Variants in ANKRD24 observed in about 807,000 individuals in gnomAD.
The protein encoded by ANKRD24 is ankyrin repeat domain-containing protein 24.
In ANKRD24, 109 loss-of-function variants were observed where a neutral mutation model predicts 127.8. The ratio of observed to expected loss-of-function variants is 0.85; its 90% CI spans 0.73 to 1.00. ANKRD24 has a LOEUF of 1.00. Among genes scored for constraint, ANKRD24 ranks in the 50% least tolerant of loss-of-function variants. ANKRD24 has a pLI of 0.00. For synonymous variants in ANKRD24, 743 were observed against 671.1 expected, an observed-to-expected ratio of 1.11 and a Z score of -1.66; for missense variants, 1,648 against 1,570.2, an observed-to-expected ratio of 1.05 and a Z score of -0.84.
rs1170555656 is a variant in ANKRD24, at chr19:4,199,401, G to A, written c.37-282G>A. The A allele has an allele frequency of 2.6e-5, 15 of 581,570 alleles. No homozygotes were observed. Among genetic ancestry groups the A allele is most frequent in the Admixed American group, 6.4e-5 (1 of 15,746 alleles). 36.0% of individuals were successfully genotyped at this position (581,570 alleles called of 1,614,324 possible). A position where few individuals can be genotyped will look rare whatever the true frequency, so the allele number is the denominator to read the frequency against. ...GATGATTTTTATTTTTTGTAGAGACGGGGTCCTACTATGGTGCCCAGGTTT... is the reference window on the plus strand; with the variant it reads ...GATGATTTTTATTTTTTGTAGAGACAGGGTCCTACTATGGTGCCCAGGTTT... On this transcript the variant is annotated intron_variant, in intron 2 of 21. Coordinates refer to ENST00000318934, the MANE Select transcript of ANKRD24 (RefSeq NM_001393985.1). The surrounding 1 kb of genome is among the most constrained non-coding windows in gnomAD (Gnocchi z 5.2).
chr19:4,212,331 G>A (rs1036803531), intron 13 of ANKRD24, 144 bp from the exon 14 acceptor site: 3 of 921,408 alleles, frequency 3.3e-6, no homozygotes, highest in Non-Finnish European at 4.9e-6. Context: ...CAATAGTAAT[G>A]AGTGAGCGGG....
rs187210305 is a variant in ANKRD24 at position 4,195,755 on chromosome 19, G to A, written c.37-3928G>A. Among the ~76,000 whole-genome samples the A allele has an allele frequency of 4.5e-4, 69 of 152,258 alleles. No individual in the cohort carries two copies. Among genetic ancestry groups the A allele is most frequent in the Admixed American group, 1.6e-3 (25 of 15,286 alleles). Reference sequence around the variant, plus strand: ...ACTAAAATACAAAAATTCGCTAGGCGTGGTGGCGTGTGCCTGTAATCCCAG... The same window carrying A: ...ACTAAAATACAAAAATTCGCTAGGCATGGTGGCGTGTGCCTGTAATCCCAG... On this transcript the variant is annotated intron_variant, in intron 2 of 21. Coordinates refer to ENST00000318934, the MANE Select transcript of ANKRD24 (RefSeq NM_001393985.1). This position sits in a 1 kb window ranked among gnomAD's most constrained non-coding sequence, Gnocchi z 4.2.
intron 18 of ANKRD24, 31 bp from the exon 19 acceptor site, chr19:4,219,560 C>T: frequency 6.3e-7 from 1 of 1,584,098 alleles, no homozygotes. Context: ...GTCTTAGTGT[C>T]CTGAGAGTCA....
Position 4,198,446 on chromosome 19 carries a change from C to T in ANKRD24, c.37-1237C>T. ...TCCCTCCAGACCCTCTGGCCGCCGC[C>T]TCCTCTTGGAACCCCGTGCGCCCCC... On this transcript the variant is annotated intron_variant, in intron 2 of 21. Coordinates refer to ENST00000318934, the MANE Select transcript of ANKRD24 (RefSeq NM_001393985.1). The surrounding 1 kb of genome is among the most constrained non-coding windows in gnomAD (Gnocchi z 6.1). 1.7e-6 allele frequency: 1 copy of T among 604,058 alleles called. No individual in the cohort carries two copies. Among genetic ancestry groups the T allele is most frequent in the African/African-American group, 1.9e-5 (1 of 52,132 alleles). 37.4% of individuals were successfully genotyped at this position (604,058 alleles called of 1,614,324 possible).
intron 2 of ANKRD24, among the ~76,000 whole-genome samples, chr19:4,191,531 G>T (rs1377897452): frequency 1.3e-5 from 2 of 151,906 alleles, no homozygotes; most frequent in Non-Finnish European, 2.9e-5. Context: ...TGCCAGGCTG[G>T]AGTGCAATGG....
chr19:4,216,928 G>A lies in ANKRD24; in HGVS notation c.1768G>A (p.Glu590Lys), dbSNP rs769715976. Reference sequence around the variant, plus strand: ...CACGGGAGCCGAGGCCACGGGAGCTGAGGCCACAGGAGCCAAGGTCACAGA... The same window carrying A: ...CACGGGAGCCGAGGCCACGGGAGCTAAGGCCACAGGAGCCAAGGTCACAGA... ...EATGAEATGAEATGAKVTETK... is the reference protein window; with the variant it reads ...EATGAEATGAKATGAKVTETK... Residue 590 changes from glutamate to lysine, a missense_variant, in exon 18 of 22, where the codon GAG (glutamate) becomes AAG (lysine). By Grantham distance (56) the Glu-to-Lys change is moderately conservative (BLOSUM62 1). Coordinates refer to ENST00000318934, the MANE Select transcript of ANKRD24 (RefSeq NM_001393985.1). 14 of 1,610,272 alleles carry A rather than the reference G, an allele frequency of 8.7e-6. No individual in the cohort carries two copies. The highest frequency in any genetic ancestry group is 4.0e-5 in the African/African-American group (3 of 74,718).
intron 2 of ANKRD24, among the ~76,000 whole-genome samples, chr19:4,194,577 G>GTT (rs2145246856): frequency 1.3e-5 from 2 of 152,332 alleles, no homozygotes; most frequent in Admixed American, 1.3e-4. Context: ...GCAGTGGGCA[G>GTT]GATCTGGGCT....
Position 4,200,099 on chromosome 19 carries a change from A to C in ANKRD24, c.271A>C (p.Met91Leu), listed in dbSNP as rs1336335428. 6.3e-7 allele frequency: 1 copy of C among 1,599,254 alleles called. No homozygotes were observed. The highest frequency in any genetic ancestry group is 1.3e-5 in the African/African-American group (1 of 74,658). ...EGKSAFHLAA[M>L]RGAASCLEVM... Reference sequence around the variant, plus strand: ...CACCTCCAGGTTCCACCTGGCGGCCATGCGGGGTGCGGCCAGCTGTCTGGA... The same window carrying C: ...CACCTCCAGGTTCCACCTGGCGGCCCTGCGGGGTGCGGCCAGCTGTCTGGA... The change falls in exon 5 of 22, where the codon ATG becomes CTG. Residue 91 changes from methionine to leucine, a missense_variant. Coordinates refer to ENST00000318934, the MANE Select transcript of ANKRD24 (RefSeq NM_001393985.1).
At position 4,199,842 on chromosome 19, in the gene ANKRD24, A is replaced by C. The variant is rs6510793; in HGVS notation, c.124-33A>C. 879,205 of 1,547,766 alleles carry C rather than the reference A, an allele frequency of 0.57. 254,200 individuals are homozygous for C. Among genetic ancestry groups the C allele is most frequent in the African/African-American group, 0.76 (55,586 of 73,248 alleles). ...GCGTGGGGAGGGGACAGCAGCCAAC[A>C]CTGCCCCACGCACTTCTGGGCGTGC... On this transcript the variant is annotated intron_variant, in intron 3 of 21. Coordinates refer to ENST00000318934, the MANE Select transcript of ANKRD24 (RefSeq NM_001393985.1). The surrounding 1 kb of genome is among the most constrained non-coding windows in gnomAD (Gnocchi z 5.2).
At position 4,212,665 on chromosome 19, in the gene ANKRD24, G is replaced by A. The variant is rs1301759327; in HGVS notation, c.1164G>A (p.Val388=). The A allele has an allele frequency of 9.0e-6, 14 of 1,551,138 alleles. No individual in the cohort carries two copies. The highest frequency in any genetic ancestry group is 1.4e-5 in the African/African-American group (1 of 73,050). ...AGAAGGAGAGCCTGGGACGGGAGGTGGAGAGTTTGCAGAGCCGGCTGTCCC... is the reference window on the plus strand; with the variant it reads ...AGAAGGAGAGCCTGGGACGGGAGGTAGAGAGTTTGCAGAGCCGGCTGTCCC... ...QEEKESLGRE[V]ESLQSRLSLL... Residue 388 remains valine, a synonymous_variant, in exon 15 of 22, where the codon GTG becomes GTA. Coordinates refer to ENST00000318934, the MANE Select transcript of ANKRD24 (RefSeq NM_001393985.1).
Position 4,198,334 on chromosome 19 carries a change from C to T in ANKRD24, c.37-1349C>T, listed in dbSNP as rs928074764. The T allele has an allele frequency of 2.8e-4, 59 of 212,998 alleles. No homozygotes were observed. The highest frequency in any genetic ancestry group is 5.8e-4 in the South Asian group (3 of 5,206). The allele number at this position is 212,998 out of a possible 1,614,324, so 13.2% of individuals were successfully genotyped here. On this transcript the variant is annotated intron_variant, in intron 2 of 21. Coordinates refer to ENST00000318934, the MANE Select transcript of ANKRD24 (RefSeq NM_001393985.1). The surrounding 1 kb of genome is among the most constrained non-coding windows in gnomAD (Gnocchi z 6.1). ...GGCGAGGAGGGCAAGGGGGAGGGGGCGGCACCAGGGAGGGCGGGACCGGGC... is the reference window on the plus strand; with the variant it reads ...GGCGAGGAGGGCAAGGGGGAGGGGGTGGCACCAGGGAGGGCGGGACCGGGC...
intron 5 of ANKRD24, among the ~76,000 whole-genome samples, chr19:4,201,241 G>T (rs1174042479): frequency 6.6e-6 from 1 of 152,124 alleles, no homozygotes; most frequent in Non-Finnish European, 1.5e-5. Flanking sequence ...AGGCAACTAG[G>T]CATGGGGACA....
rs761765121 is a variant in ANKRD24, at chr19:4,199,813, G to A, written c.123+44G>A. The stretch of plus-strand genomic sequence containing the variant: ...GTGGTGAGAGCCCGGAGCCCCTGTC[G>A]GGGGCGTGGGGAGGGGACAGCAGCC... On this transcript the variant is annotated intron_variant, in intron 3 of 21. Coordinates refer to ENST00000318934, the MANE Select transcript of ANKRD24 (RefSeq NM_001393985.1). This position sits in a 1 kb window ranked among gnomAD's most constrained non-coding sequence, Gnocchi z 5.2. 24 of 1,433,886 alleles carry A rather than the reference G, an allele frequency of 1.7e-5. No individual in the cohort carries two copies. The African/African-American group carries it at 1.7e-4, about 10-fold the overall frequency. The allele number at this position is 1,433,886 out of a possible 1,614,324, so 88.8% of individuals were successfully genotyped here.
Position 4,202,934 on chromosome 19 carries a change from C to G in ANKRD24, c.466+8C>G. ...CTGCCCTACACCATGCAGGTGGGTG[C>G]AGCCCAGCCCTGCCCTGACCCCGAA... On this transcript the variant is annotated splice_region_variant and intron_variant, in intron 7 of 21. Coordinates refer to ENST00000318934, the MANE Select transcript of ANKRD24 (RefSeq NM_001393985.1). The G allele has an allele frequency of 6.4e-7, 1 of 1,560,670 alleles. No homozygotes were observed. Among genetic ancestry groups the G allele is most frequent in the Non-Finnish European group, 8.7e-7 (1 of 1,152,442 alleles).
In ANKRD24 at chr19:4,217,700, G is replaced by A; in HGVS notation, c.2540G>A (p.Ser847Asn). 7.7e-7 allele frequency: 1 copy of A among 1,291,418 alleles called. No individual in the cohort carries two copies. 80.0% of individuals were successfully genotyped at this position (1,291,418 alleles called of 1,614,324 possible). A position where few individuals can be genotyped will look rare whatever the true frequency, so the allele number is the denominator to read the frequency against. Reference protein sequence around the residue: ...AQREEARLEQSRELEVLREQL... With the variant: ...AQREEARLEQNRELEVLREQL... ...CGGGAGGAGGCGCGGCTGGAGCAGA[G>A]CCGGGAGCTGGAGGTTCTGCGGGAG... Residue 847 changes from serine to asparagine, a missense_variant, in exon 18 of 22, where the codon AGC becomes AAC. Coordinates refer to ENST00000318934, the MANE Select transcript of ANKRD24 (RefSeq NM_001393985.1).
intron 5 of ANKRD24, among the ~76,000 whole-genome samples, chr19:4,201,809 C>T (rs1270697894): frequency 6.6e-6 from 1 of 152,074 alleles, no homozygotes; most frequent in Admixed American, 6.6e-5. Flanking sequence ...ATCGCTTGAG[C>T]CTAGGTGTTC....
intron 7 of ANKRD24, 107 bp downstream of exon 7, chr19:4,203,033 T>G: frequency 3.5e-6 from 3 of 848,636 alleles, no homozygotes; most frequent in Non-Finnish European, 5.2e-6. Flanking sequence ...AAGCTTCCTG[T>G]CTCCTCCTTT....
chr19:4,199,654 C>T lies in ANKRD24; in HGVS notation c.37-29C>T. The T allele has an allele frequency of 2.0e-6, 3 of 1,513,418 alleles. No homozygotes were observed. Among genetic ancestry groups the T allele is most frequent in the South Asian group, 1.2e-5 (1 of 80,690 alleles). The allele number at this position is 1,513,418 out of a possible 1,614,324, so 93.7% of individuals were successfully genotyped here. On this transcript the variant is annotated intron_variant, in intron 2 of 21. Transcript: ENST00000318934. This position sits in a 1 kb window ranked among gnomAD's most constrained non-coding sequence, Gnocchi z 5.2. Reference sequence around the variant, plus strand: ...GCTTGGGGGACACTGTCTGAGGACCCCCTCGCCCAGGACCACCTCCCCCTG... The same window carrying T: ...GCTTGGGGGACACTGTCTGAGGACCTCCTCGCCCAGGACCACCTCCCCCTG...
intron 1 of ANKRD24, among the ~76,000 whole-genome samples, chr19:4,185,501 C>A (rs1478725036): frequency 6.6e-6 from 1 of 152,132 alleles, no homozygotes; most frequent in Non-Finnish European, 1.5e-5. Context: ...ATCCCTTTCA[C>A]ACATAGGGCC....
Sources: allele counts gnomAD v4.1 joint callset (sites outside exome capture counted in the v4.1 genomes callset), GRCh38; gene constraint gnomAD v4.1.1; non-coding constraint Gnocchi (gnomAD v3.1); transcripts MANE v1.5; gene names NCBI Gene and HGNC (gene_info 2026-07-23, HGNC 2026-07-21).